USP25: variants seen among roughly 807,000 people sequenced by gnomAD.
The protein encoded by USP25 is ubiquitin specific peptidase 25.
Under a neutral mutation model 158.5 loss-of-function variants are expected in USP25, and 85 were observed. The observed-to-expected ratio is 0.54, with a 90% CI of 0.45 to 0.64. USP25 has a LOEUF of 0.64. Among genes scored for constraint, USP25 ranks in the 30% least tolerant of loss-of-function variants. USP25 has a pLI of 0.00. For synonymous variants in USP25, 464 were observed against 460.4 expected, an observed-to-expected ratio of 1.01 and a Z score of -0.10; for missense variants, 1,242 against 1,327.3, an observed-to-expected ratio of 0.94 and a Z score of 1.00.
chr21:15,842,520 C>A lies in USP25; in HGVS notation c.2317C>A (p.Pro773Thr). ...ATCACATGAGCATGAAGATAAAAGT[C>A]CTGAAACAGTTTTGCAGTCGGTAAG... ...KASHEHEDKSPETVLQSKPEN... is the reference protein window; with the variant it reads ...KASHEHEDKSTETVLQSKPEN... Residue 773 changes from proline to threonine, a missense_variant, in exon 18 of 26, where the codon CCT becomes ACT. By Grantham distance (38) the Pro-to-Thr change is conservative (BLOSUM62 -1). Transcript: ENST00000400183. 1 of 1,613,476 alleles carries A rather than the reference C, an allele frequency of 6.2e-7. No homozygotes were observed. Among genetic ancestry groups the A allele is most frequent in the South Asian group, 1.1e-5 (1 of 91,038 alleles).
At chr21:15,779,540 G>A (rs542903063) in intron 4 of USP25, among the ~76,000 whole-genome samples, 6 of 151,578 alleles carry the variant, frequency 4.0e-5, no homozygotes, top group South Asian at 2.1e-4. Context: ...AGTATCAGTC[G>A]TTCTATTATG....
At chr21:15,849,933 T>G in intron 20 of USP25, 61 bp downstream of exon 20, 1 of 1,250,244 alleles carries the variant, frequency 8.0e-7, no homozygotes, top group Non-Finnish European at 1.1e-6. Flanking sequence ...TCTTAAAATA[T>G]TTTATTTCTT....
chr21:15,734,437 T>C (rs1315968530), intron 1 of USP25, among the ~76,000 whole-genome samples: 1 of 152,262 alleles, frequency 6.6e-6, no homozygotes, highest in Admixed American at 6.5e-5. Context: ...TTATTATTAG[T>C]ATAAGACTTG....
intron 1 of USP25, among the ~76,000 whole-genome samples, chr21:15,743,400 G>T (rs915961046): frequency 3.9e-5 from 6 of 152,176 alleles, no homozygotes; most frequent in African/African-American, 1.4e-4. Flanking sequence ...GGAAGGCAGA[G>T]AAGAATGTTA....
At chr21:15,740,641 G>GTTTTTTTTTTTTTTTT (rs60616271) in intron 1 of USP25, among the ~76,000 whole-genome samples, 2 of 41,244 alleles carry the variant, frequency 4.8e-5, no homozygotes, top group East Asian at 1.4e-3. Flanking sequence ...CTTTCTGGCT[G>GTTTTTTTTTTTTTTTT]TTTTTTTTTT....
intron 17 of USP25, among the ~76,000 whole-genome samples, chr21:15,841,857 A>C (rs2038350201): frequency 6.6e-6 from 1 of 152,062 alleles, no homozygotes; most frequent in African/African-American, 2.4e-5. Context: ...TAAGTCTGGA[A>C]CTCAAAAGAT....
chr21:15,792,332 T>G (rs1342258189), intron 5 of USP25, among the ~76,000 whole-genome samples: 1 of 151,684 alleles, frequency 6.6e-6, no homozygotes, highest in Non-Finnish European at 1.5e-5. Flanking sequence ...ATCAAAATTC[T>G]TTATCATTCT....
chr21:15,869,127 AAT>A (rs531531693), intron 22 of USP25, among the ~76,000 whole-genome samples: 1 of 152,056 alleles, frequency 6.6e-6, no homozygotes, highest in Non-Finnish European at 1.5e-5. Flanking sequence ...ATGCACCTGT[AAT>A]TCAAGCTACT....
intron 7 of USP25, among the ~76,000 whole-genome samples, chr21:15,807,228 C>T (rs181192807): frequency 3.4e-4 from 52 of 152,256 alleles, no homozygotes; most frequent in African/African-American, 1.2e-3. Flanking sequence ...ACACTTGGCC[C>T]CAATTGATAC....
chr21:15,756,233 C>T (rs1448463885), intron 1 of USP25, among the ~76,000 whole-genome samples: 1 of 152,114 alleles, frequency 6.6e-6, no homozygotes, highest in Admixed American at 6.5e-5. Flanking sequence ...TTCGTTCCTT[C>T]TGGATGAACG....
chr21:15,818,729 T>A lies in USP25; in HGVS notation c.963T>A (p.Gly321=). ...GKKFENTEMF[G]QYPLQVNGFK... ...AATTTGAAAACACTGAAATGTTTGGTCAGTACCCACTTCAGGTCAATGGGT... is the reference window on the plus strand; with the variant it reads ...AATTTGAAAACACTGAAATGTTTGGACAGTACCCACTTCAGGTCAATGGGT... The change falls in exon 10 of 26, where the codon GGT becomes GGA. Residue 321 remains glycine (G), a synonymous_variant. Transcript: ENST00000400183. 1 of 1,612,708 alleles carries A rather than the reference T, an allele frequency of 6.2e-7. No individual in the cohort carries two copies. Among genetic ancestry groups the A allele is most frequent in the Non-Finnish European group, 8.5e-7 (1 of 1,179,156 alleles).
intron 22 of USP25, among the ~76,000 whole-genome samples, chr21:15,867,977 A>C (rs2039730009): frequency 6.6e-6 from 1 of 152,158 alleles, no homozygotes; most frequent in South Asian, 2.1e-4. Flanking sequence ...AATTCCAGCA[A>C]GATGTTTTAT....
chr21:15,792,248 A>G (rs1600927493), intron 5 of USP25, among the ~76,000 whole-genome samples: 1 of 151,656 alleles, frequency 6.6e-6, no homozygotes, highest in East Asian at 1.9e-4. Flanking sequence ...ATTCTAAAAT[A>G]AGAGACATAT....
intron 1 of USP25, among the ~76,000 whole-genome samples, chr21:15,753,661 AG>A (rs368775472): frequency 2.0e-3 from 307 of 151,872 alleles, no homozygotes; most frequent in Middle Eastern, 0.014. Context: ...TGTGCTTATT[AG>A]TTGGCCTGAT....
intron 1 of USP25, among the ~76,000 whole-genome samples, chr21:15,745,355 G>A (rs1046793103): frequency 6.6e-6 from 1 of 151,776 alleles, no homozygotes; most frequent in Non-Finnish European, 1.5e-5. Flanking sequence ...TTCTCCCAAT[G>A]TGTGGCTTGT....
intron 1 of USP25, among the ~76,000 whole-genome samples, chr21:15,757,985 A>C (rs1422344199): frequency 6.6e-6 from 1 of 152,118 alleles, no homozygotes; most frequent in African/African-American, 2.4e-5. Flanking sequence ...TGTAAGGAAA[A>C]CTTCTGTATA....
chr21:15,809,582 A>G (rs1407753335), intron 8 of USP25, among the ~76,000 whole-genome samples: 1 of 152,172 alleles, frequency 6.6e-6, no homozygotes, highest in African/African-American at 2.4e-5. Context: ...ACTGTGGAAA[A>G]CAGTATGGGG....
At chr21:15,768,740 G>A (rs775905140) in intron 3 of USP25, among the ~76,000 whole-genome samples, 2 of 152,074 alleles carry the variant, frequency 1.3e-5, no homozygotes, top group Non-Finnish European at 2.9e-5. Flanking sequence ...TCTCCATTTT[G>A]TGTGAAATAC....
intron 20 of USP25, among the ~76,000 whole-genome samples, chr21:15,860,953 C>CATATATAT (rs140631215): frequency 2.1e-5 from 3 of 145,680 alleles, no homozygotes; most frequent in Non-Finnish European, 4.5e-5. Context: ...TTGGTATCTT[C>CATATATAT]ATATATATAT....
Sources: allele counts gnomAD v4.1 joint callset (sites outside exome capture counted in the v4.1 genomes callset), GRCh38; gene constraint gnomAD v4.1.1; transcripts MANE v1.5; gene names NCBI Gene and HGNC (gene_info 2026-07-23, HGNC 2026-07-21).